The following SLC9A2 variants were observed in gnomAD, a reference collection of about 807,000 sequenced individuals.
SLC9A2 encodes solute carrier family 9 member A2, also known as sodium/hydrogen exchanger 2.
In SLC9A2, 42 loss-of-function variants were observed where a neutral mutation model predicts 71.7. The observed-to-expected ratio is 0.59, with a 90% CI of 0.46 to 0.76. SLC9A2 has a LOEUF of 0.76. SLC9A2 is among the 30% of genes least tolerant of loss of function. The probability of loss-of-function intolerance (pLI) is 0.00; values close to 1 mark genes in which losing one functional copy is unlikely to be tolerated. For synonymous variants in SLC9A2, 396 were observed against 392.5 expected (o/e 1.01, Z -0.10); for missense variants, 829 against 1,017.4 (o/e 0.81, Z 2.52).
intron 3 of SLC9A2, among the ~76,000 whole-genome samples, chr2:102,668,947 G>T (rs543197750): frequency 1.3e-5 from 2 of 152,272 alleles, no homozygotes; most frequent in South Asian, 4.1e-4. Flanking sequence ...GTTACTAGAT[G>T]AATCTAATGA....
intron 1 of SLC9A2, among the ~76,000 whole-genome samples, chr2:102,636,817 C>T (rs1676477291): frequency 6.6e-6 from 1 of 152,180 alleles, no homozygotes; most frequent in Non-Finnish European, 1.5e-5. Context: ...CTTCCCCCAG[C>T]TTAACTAAGC....
chr2:102,646,795 A>ATATAT (rs1676733531), intron 1 of SLC9A2, among the ~76,000 whole-genome samples: 2 of 146,758 alleles, frequency 1.4e-5, no homozygotes, highest in African/African-American at 5.2e-5. Flanking sequence ...ATATATCTCC[A>ATATAT]ATACAGGAGC....
At chr2:102,669,446 T>TGC (rs1677203286) in intron 3 of SLC9A2, among the ~76,000 whole-genome samples, 3 of 152,200 alleles carry the variant, frequency 2.0e-5, no homozygotes, top group Admixed American at 2.0e-4. Flanking sequence ...TGTGTGTGTG[T>TGC]GCATATGCCT....
At chr2:102,633,392 A>C (rs1414669271) in intron 1 of SLC9A2, among the ~76,000 whole-genome samples, 1 of 152,112 alleles carries the variant, frequency 6.6e-6, no homozygotes, top group East Asian at 1.9e-4. Flanking sequence ...TGTGGTCTCC[A>C]GCACACTTTA....
In SLC9A2 at chr2:102,710,245, T is replaced by C. The variant is rs973699102; in HGVS notation, c.*1756T>C. On this transcript the variant is annotated 3_prime_UTR_variant, in exon 12 of 12. Coordinates refer to ENST00000233969, the MANE Select transcript of SLC9A2 (RefSeq NM_003048.6). ...GAAAATATTTATATAAAAATACATT[T>C]ATTCTGCTTAACACAAATTAAAACT... is the stretch of plus-strand genomic sequence containing the variant. 6.6e-6 allele frequency: 1 copy of C among 152,602 alleles called. No homozygotes were observed. Among genetic ancestry groups the C allele is most frequent in the Non-Finnish European group, 1.5e-5 (1 of 68,038 alleles). The allele number at this position is 152,602 out of a possible 1,614,324, so 9.5% of individuals were successfully genotyped here.
At chr2:102,675,872 C>A (rs1172892825) in intron 3 of SLC9A2, among the ~76,000 whole-genome samples, 5 of 152,208 alleles carry the variant, frequency 3.3e-5, no homozygotes, top group Non-Finnish European at 7.3e-5. Flanking sequence ...AAGCCTCTGC[C>A]TATACTCCCA....
At chr2:102,687,569 C>G (rs1173036944) in intron 5 of SLC9A2, among the ~76,000 whole-genome samples, 1 of 152,038 alleles carries the variant, frequency 6.6e-6, no homozygotes, top group Non-Finnish European at 1.5e-5. Flanking sequence ...CCCCTTATTT[C>G]AATATTTTAT....
At chr2:102,630,608 C>T (rs181254964) in intron 1 of SLC9A2, among the ~76,000 whole-genome samples, 1 of 151,944 alleles carries the variant, frequency 6.6e-6, no homozygotes, top group East Asian at 1.9e-4. Context: ...TTTTTCGTCT[C>T]TTCATTGCTG....
intron 1 of SLC9A2, among the ~76,000 whole-genome samples, chr2:102,638,993 G>T (rs966891404): frequency 6.6e-6 from 1 of 152,214 alleles, no homozygotes; most frequent in African/African-American, 2.4e-5. Context: ...AGACCAGCAT[G>T]GTCAACATAG....
At chr2:102,629,357 A>G (rs1342278295) in intron 1 of SLC9A2, among the ~76,000 whole-genome samples, 1 of 151,982 alleles carries the variant, frequency 6.6e-6, no homozygotes, top group African/African-American at 2.4e-5. Context: ...TTAAAAGAAA[A>G]CTTGATTTTG....
intron 1 of SLC9A2, among the ~76,000 whole-genome samples, chr2:102,640,470 C>A (rs1485158647): frequency 6.6e-6 from 1 of 152,174 alleles, no homozygotes; most frequent in Non-Finnish European, 1.5e-5. Flanking sequence ...AACTGGGAGT[C>A]CCCTGACCTG....
At chr2:102,642,701 C>T (rs1312934483) in intron 1 of SLC9A2, among the ~76,000 whole-genome samples, 1 of 152,156 alleles carries the variant, frequency 6.6e-6, no homozygotes, top group Non-Finnish European at 1.5e-5. Flanking sequence ...GAAGTGTTCC[C>T]TCCTCTTCTG....
rs1454503333 is a variant in SLC9A2 at position 102,619,975 on chromosome 2, A to T, written c.127A>T (p.Met43Leu). 6 of 1,613,564 alleles carry T rather than the reference A, an allele frequency of 3.7e-6. No individual in the cohort carries two copies. The highest frequency in any genetic ancestry group is 5.1e-6 in the Non-Finnish European group (6 of 1,179,780). ...AETLLNAPRA[M>L]GTSSSPPSPA... ...GACCTTGCTGAACGCGCCGAGGGCC[A>T]TGGGCACCAGTTCCAGCCCGCCTAG... The change falls in exon 1 of 12, where the codon ATG becomes TTG. Residue 43 changes from methionine (M) to leucine (L), a missense_variant. Around this residue, in one of 3 missense-constraint regions of SLC9A2, gnomAD observed 106 missense variants for 93.5 expected, o/e 1.13. Transcript: ENST00000233969. The surrounding 1 kb of genome is among the most constrained non-coding windows in gnomAD (Gnocchi z 4.3).
intron 1 of SLC9A2, among the ~76,000 whole-genome samples, chr2:102,634,273 A>G (rs187519908): frequency 6.1e-4 from 93 of 152,300 alleles, no homozygotes; most frequent in Admixed American, 1.8e-3. Flanking sequence ...TGATCACTGT[A>G]CTATAGTGTA....
chr2:102,705,865 G>C lies in SLC9A2; in HGVS notation c.1997G>C (p.Arg666Pro). The change falls in exon 11 of 12, where the codon CGA becomes CCA. Residue 666 changes from arginine (R) to proline (P), a missense_variant. Transcript: ENST00000233969. ...TTACAGGCTTCCACTTCAACCTCCC[G>C]ATATTTATCCTTACCTAAAAATACG... Reference protein sequence around the residue: ...REHRASTSTSRYLSLPKNTKL... With the variant: ...REHRASTSTSPYLSLPKNTKL... 1 of 1,597,116 alleles carries C rather than the reference G, an allele frequency of 6.3e-7. No individual in the cohort carries two copies. Among genetic ancestry groups the C allele is most frequent in the Non-Finnish European group, 8.5e-7 (1 of 1,171,520 alleles).
intron 1 of SLC9A2, among the ~76,000 whole-genome samples, chr2:102,656,000 G>T (rs1038219554): frequency 5.3e-5 from 8 of 152,188 alleles, no homozygotes; most frequent in South Asian, 4.1e-4. Flanking sequence ...CCCCTTAAAG[G>T]CTCCATCCAC....
chr2:102,660,000 G>T (rs2104521823), intron 2 of SLC9A2, among the ~76,000 whole-genome samples: 1 of 152,258 alleles, frequency 6.6e-6, no homozygotes, highest in Non-Finnish European at 1.5e-5. Flanking sequence ...CCTCCACACT[G>T]CTTTCCCACC....
intron 1 of SLC9A2, among the ~76,000 whole-genome samples, chr2:102,653,882 G>A (rs1672057490): frequency 6.6e-6 from 1 of 152,334 alleles, no homozygotes; most frequent in African/African-American, 2.4e-5. Context: ...CAACTAAAAT[G>A]TGGAGGCATT....
At chr2:102,641,736 T>A (rs186794183) in intron 1 of SLC9A2, among the ~76,000 whole-genome samples, 8 of 152,196 alleles carry the variant, frequency 5.3e-5, no homozygotes, top group African/African-American at 1.9e-4. Flanking sequence ...GGGATATTGC[T>A]GTGTCCTTAG....
Sources: allele counts gnomAD v4.1 joint callset (sites outside exome capture counted in the v4.1 genomes callset), GRCh38; gene constraint gnomAD v4.1.1; regional missense constraint gnomAD v4.1.1; non-coding constraint Gnocchi (gnomAD v3.1); transcripts MANE v1.5; gene names NCBI Gene and HGNC (gene_info 2026-07-23, HGNC 2026-07-21).